MTHFD2L: variants seen among roughly 807,000 people sequenced by gnomAD.
The protein encoded by MTHFD2L is bifunctional methylenetetrahydrofolate dehydrogenase/cyclohydrolase 2, mitochondrial.
In MTHFD2L, 29 loss-of-function variants were observed where a neutral mutation model predicts 34.9. The observed-to-expected ratio is 0.83, with a 90% confidence interval of 0.62 to 1.13. The LOEUF is 1.13. Among genes scored for constraint, MTHFD2L ranks in the 50% most tolerant of loss-of-function variants. The probability of loss-of-function intolerance (pLI) is 0.00; values close to 1 mark genes in which losing one functional copy is unlikely to be tolerated. For missense variants in MTHFD2L, 481 were observed against 446.5 expected (o/e 1.08, Z -0.70); for synonymous variants, 167 against 155.7 (o/e 1.07, Z -0.54).
chr4:74,214,922 G>C (rs1447973070), intron 5 of MTHFD2L, among the ~76,000 whole-genome samples: 1 of 151,774 alleles, frequency 6.6e-6, no homozygotes, highest in African/African-American at 2.4e-5. Flanking sequence ...GAGGAATCTA[G>C]TGAGACAGTC....
chr4:74,280,973 C>G (rs188451998), intron 6 of MTHFD2L, among the ~76,000 whole-genome samples: 273 of 151,654 alleles, frequency 1.8e-3, no homozygotes, highest in Non-Finnish European at 3.1e-3. Context: ...CTTTCTTTCC[C>G]CCTCCCTTCC....
intron 1 of MTHFD2L, among the ~76,000 whole-genome samples, chr4:74,169,058 G>A (rs1336614632): frequency 6.6e-6 from 1 of 152,140 alleles, no homozygotes; most frequent in Non-Finnish European, 1.5e-5. Context: ...AGTCTCTACG[G>A]TGACTGATGG....
At chr4:74,203,584 G>T (rs1734808170) in intron 5 of MTHFD2L, among the ~76,000 whole-genome samples, 1 of 152,156 alleles carries the variant, frequency 6.6e-6, no homozygotes, top group South Asian at 2.1e-4. Context: ...GGCAAAGGTG[G>T]AGCCAGCATT....
chr4:74,161,407 A>T (rs1279533107), intron 1 of MTHFD2L: 1 of 152,166 alleles, frequency 6.6e-6, no homozygotes, highest in Non-Finnish European at 1.5e-5. Context: ...GGCAAATGTG[A>T]TAATGTGGGT....
At chr4:74,220,093 T>TA (rs2110107453) in intron 5 of MTHFD2L, among the ~76,000 whole-genome samples, 1 of 1,234 alleles carries the variant, frequency 8.1e-4, no homozygotes, top group African/African-American at 9.4e-4. Flanking sequence ...TTGGTTTTGA[T>TA]TTTTTTTTTT....
intron 5 of MTHFD2L, among the ~76,000 whole-genome samples, chr4:74,219,712 A>G (rs898873582): frequency 5.9e-5 from 9 of 152,218 alleles, no homozygotes; most frequent in African/African-American, 2.2e-4. Context: ...ATTTGCTTTT[A>G]GCTGTTTGGT....
intron 1 of MTHFD2L, among the ~76,000 whole-genome samples, chr4:74,145,812 T>C (rs148442910): frequency 6.6e-6 from 1 of 152,224 alleles, no homozygotes; most frequent in Non-Finnish European, 1.5e-5. Flanking sequence ...ATCTGGTTGT[T>C]TGAAAGTTTG....
intron 5 of MTHFD2L, among the ~76,000 whole-genome samples, chr4:74,213,300 C>G (rs1444551480): frequency 6.6e-6 from 1 of 152,098 alleles, no homozygotes; most frequent in South Asian, 2.1e-4. Context: ...TTTCCATGGT[C>G]TTTACAATTT....
intron 6 of MTHFD2L, among the ~76,000 whole-genome samples, chr4:74,260,302 C>T (rs115027071): frequency 0.016 from 2,410 of 152,222 alleles, 61 homozygotes; most frequent in African/African-American, 0.053. Flanking sequence ...TGTCAGCCCC[C>T]GGCTGTGAAT....
intron 2 of MTHFD2L, among the ~76,000 whole-genome samples, chr4:74,118,298 A>C: frequency 6.6e-6 from 1 of 152,238 alleles, no homozygotes; most frequent in Non-Finnish European, 1.5e-5. Context: ...CACACGAAAA[A>C]ATACATAGGC....
At chr4:74,261,607 T>G (rs1744689303) in intron 6 of MTHFD2L, among the ~76,000 whole-genome samples, 1 of 152,092 alleles carries the variant, frequency 6.6e-6, no homozygotes, top group Non-Finnish European at 1.5e-5. Context: ...TGGAAAGATT[T>G]ATTCCACAAA....
intron 7 of MTHFD2L, among the ~76,000 whole-genome samples, chr4:74,283,965 A>T (rs1001792067): frequency 1.3e-5 from 2 of 152,174 alleles, no homozygotes; most frequent in African/African-American, 4.8e-5. Flanking sequence ...CTCATAAGTA[A>T]CATTTGGCTT....
intron 6 of MTHFD2L, among the ~76,000 whole-genome samples, chr4:74,272,410 C>T (rs1201921048): frequency 6.6e-6 from 1 of 152,136 alleles, no homozygotes; most frequent in Non-Finnish European, 1.5e-5. Context: ...GTTCTTTTAA[C>T]ATTATAAGAA....
Position 74,201,344 on chromosome 4 carries a change from C to T in MTHFD2L, c.686C>T (p.Thr229Ile). Residue 229 changes from threonine (T) to isoleucine (I), a missense_variant, in exon 5 of 8, where the codon ACT becomes ATT. Transcript: ENST00000325278. Reference sequence around the variant, plus strand: ...ATGCCTATTGCCATGCTTTTACACACTGATGGAGAGCATGAACGGCCAGGA... The same window carrying T: ...ATGCCTATTGCCATGCTTTTACACATTGATGGAGAGCATGAACGGCCAGGA... ...VGMPIAMLLH[T>I]DGEHERPGGD... The T allele has an allele frequency of 6.2e-7, 1 of 1,613,604 alleles. No individual in the cohort carries two copies. The highest frequency in any genetic ancestry group is 8.5e-7 in the Non-Finnish European group (1 of 1,179,648).
chr4:74,250,845 C>T (rs1414715001), intron 6 of MTHFD2L, among the ~76,000 whole-genome samples: 1 of 152,186 alleles, frequency 6.6e-6, no homozygotes, highest in African/African-American at 2.4e-5. Flanking sequence ...ACAGCTGCCA[C>T]AGCAGACACA....
intron 1 of MTHFD2L, among the ~76,000 whole-genome samples, chr4:74,167,588 CAAGAGTGTTT>C (rs1298001021): frequency 6.6e-6 from 1 of 152,180 alleles, no homozygotes; most frequent in East Asian, 1.9e-4. Flanking sequence ...GAAAACATCA[CAAGAGTGTTT>C]TATAAGCTGA....
chr4:74,120,587 G>C (rs1721737710), upstream of MTHFD2L, among the ~76,000 whole-genome samples: 1 of 152,184 alleles, frequency 6.6e-6, no homozygotes, highest in Non-Finnish European at 1.5e-5. Flanking sequence ...TCTTCACACT[G>C]TGTCATCCGT....
upstream of MTHFD2L, among the ~76,000 whole-genome samples, chr4:74,123,008 C>T (rs781258600): frequency 1.6e-4 from 25 of 152,172 alleles, no homozygotes; most frequent in Non-Finnish European, 3.5e-4. Context: ...AGTATGAATG[C>T]TATAAAATTA....
intron 1 of MTHFD2L, among the ~76,000 whole-genome samples, chr4:74,127,693 T>G (rs563326170): frequency 1.3e-5 from 2 of 152,280 alleles, no homozygotes; most frequent in Admixed American, 6.5e-5. Context: ...CTATTGTGAA[T>G]AGTGCTGCAA....
Sources: allele counts gnomAD v4.1 joint callset (sites outside exome capture counted in the v4.1 genomes callset), GRCh38; gene constraint gnomAD v4.1.1; transcripts MANE v1.5; gene names NCBI Gene and HGNC (gene_info 2026-07-23, HGNC 2026-07-21).